The following PKNOX2 variants were observed in gnomAD, a reference collection of about 807,000 sequenced individuals.
PKNOX2 encodes the protein homeobox protein PKNOX2.
A neutral mutation model predicts 53.1 loss-of-function variants in PKNOX2; 14 were observed. The observed-to-expected ratio is 0.26, with a 90% CI of 0.17 to 0.41. PKNOX2 has a LOEUF of 0.41. Among genes scored for constraint, PKNOX2 ranks in the 10% least tolerant of loss-of-function variants. The pLI, the probability that PKNOX2 is intolerant of heterozygous loss-of-function variation, is 1.00. For synonymous variants in PKNOX2, 257 were observed against 242.8 expected, an observed-to-expected ratio of 1.06 and a Z score of -0.54; for missense variants, 496 against 602.8, an observed-to-expected ratio of 0.82 and a Z score of 1.85.
chr11:125,265,136 A>G (rs1279276546), intron 2 of PKNOX2, among the ~76,000 whole-genome samples: 2 of 151,908 alleles, frequency 1.3e-5, no homozygotes, highest in South Asian at 4.2e-4. Context: ...AAAATACAAA[A>G]ATTAGCCAGG....
chr11:125,291,597 C>A (rs1947307865), intron 2 of PKNOX2, among the ~76,000 whole-genome samples: 1 of 152,170 alleles, frequency 6.6e-6, no homozygotes, highest in Non-Finnish European at 1.5e-5. Context: ...GGGACACAAA[C>A]AGATATTTGT....
In PKNOX2 at chr11:125,178,599, A is replaced by G. The variant is rs543317134; in HGVS notation, c.-201+13823A>G. ...GAAGGAAGGAAGGAAGGAAGGAAGG[A>G]AGGAAGGAAGGAAAGAAAGAAAGAA... On this transcript the variant is annotated intron_variant, in intron 1 of 12. Coordinates refer to ENST00000298282, the MANE Select transcript of PKNOX2 (RefSeq NM_001382323.2). Among the ~76,000 whole-genome samples the G allele has an allele frequency of 1.9e-4, 10 of 52,744 alleles. No individual in the cohort carries two copies. The Middle Eastern group carries it at 0.021, about 111-fold the overall frequency. 34.6% of individuals were successfully genotyped at this position (52,744 alleles called of 152,430 possible). A position where few individuals can be genotyped will look rare whatever the true frequency, so the allele number is the denominator to read the frequency against.
chr11:125,429,892 C>T (rs1956613408), intron 11 of PKNOX2, 71 bp from the exon 12 acceptor site: 2 of 1,491,146 alleles, frequency 1.3e-6, no homozygotes, highest in Admixed American at 4.3e-5. Context: ...AAGGCAGCTT[C>T]ACCCTCCCTG....
chr11:125,324,709 A>G (rs1490125951), intron 2 of PKNOX2, among the ~76,000 whole-genome samples: 2 of 152,176 alleles, frequency 1.3e-5, no homozygotes, highest in African/African-American at 2.4e-5. Context: ...GTGGAGATGG[A>G]AAGGAAGAAA....
intron 5 of PKNOX2, among the ~76,000 whole-genome samples, chr11:125,381,059 C>T (rs1054964251): frequency 2.0e-5 from 3 of 152,122 alleles, no homozygotes; most frequent in South Asian, 2.1e-4. Context: ...AGAAATGGAG[C>T]GTGTCTCTCA....
intron 1 of PKNOX2, among the ~76,000 whole-genome samples, chr11:125,210,861 C>T (rs1329222660): frequency 6.6e-6 from 1 of 152,042 alleles, no homozygotes; most frequent in East Asian, 1.9e-4. Context: ...TGCACTGGGG[C>T]GTCCTGTTGT....
intron 2 of PKNOX2, among the ~76,000 whole-genome samples, chr11:125,307,588 A>C (rs1287846442): frequency 1.3e-5 from 2 of 152,200 alleles, no homozygotes; most frequent in Non-Finnish European, 2.9e-5. Context: ...ACAACAACAA[A>C]AAACAATAAA....
intron 3 of PKNOX2, among the ~76,000 whole-genome samples, chr11:125,339,392 G>A (rs1028611369): frequency 6.6e-6 from 1 of 152,304 alleles, no homozygotes; most frequent in Non-Finnish European, 1.5e-5. Context: ...GCTCCCTAAC[G>A]ATGGGGTGCC....
chr11:125,299,872 C>G (rs1293477225), intron 2 of PKNOX2, among the ~76,000 whole-genome samples: 1 of 152,190 alleles, frequency 6.6e-6, no homozygotes, highest in Non-Finnish European at 1.5e-5. Context: ...TGGAACAAAC[C>G]AAAAGCAGCC....
intron 2 of PKNOX2, among the ~76,000 whole-genome samples, chr11:125,246,733 T>C (rs1004137970): frequency 6.6e-6 from 1 of 152,202 alleles, no homozygotes; most frequent in Non-Finnish European, 1.5e-5. Context: ...TGACCCTAGA[T>C]GGGGACTCAA....
intron 2 of PKNOX2, among the ~76,000 whole-genome samples, chr11:125,248,577 A>G (rs1428253138): frequency 6.6e-6 from 1 of 151,098 alleles, no homozygotes; most frequent in Non-Finnish European, 1.5e-5. Context: ...TATGCAATGT[A>G]TATATTGTAA....
chr11:125,380,747 C>T (rs1383723762), intron 5 of PKNOX2, among the ~76,000 whole-genome samples: 1 of 152,216 alleles, frequency 6.6e-6, no homozygotes, highest in Non-Finnish European at 1.5e-5. Context: ...ATCCCTGGCT[C>T]ACACAGGGCC....
intron 2 of PKNOX2, among the ~76,000 whole-genome samples, chr11:125,273,802 T>C (rs1945979270): frequency 6.6e-6 from 1 of 152,124 alleles, no homozygotes; most frequent in Non-Finnish European, 1.5e-5. Context: ...TTTGTTTTGT[T>C]TTGTTTTGTG....
At chr11:125,393,319 G>A (rs868207733) in intron 6 of PKNOX2, among the ~76,000 whole-genome samples, 3 of 152,096 alleles carry the variant, frequency 2.0e-5, no homozygotes, top group Non-Finnish European at 2.9e-5. Flanking sequence ...GAAGTTCCTC[G>A]ATGTTCTTGG....
At chr11:125,319,015 T>G (rs1949367972) in intron 2 of PKNOX2, among the ~76,000 whole-genome samples, 1 of 152,212 alleles carries the variant, frequency 6.6e-6, no homozygotes, top group African/African-American at 2.4e-5. Context: ...GTTCATAAAT[T>G]ACCCAGTCTC....
At chr11:125,208,143 C>G (rs1939372989) in intron 1 of PKNOX2, among the ~76,000 whole-genome samples, 2 of 152,050 alleles carry the variant, frequency 1.3e-5, no homozygotes, top group Admixed American at 1.3e-4. Context: ...CACTTTTGAG[C>G]TGGGCTTGAA....
chr11:125,287,817 T>C (rs1947006556), intron 2 of PKNOX2: 2 of 152,308 alleles, frequency 1.3e-5, no homozygotes, highest in African/African-American at 4.8e-5. Flanking sequence ...GGCTTCTGCG[T>C]CTGCCTTCTT....
chr11:125,224,906 C>T (rs1049773388), intron 1 of PKNOX2, among the ~76,000 whole-genome samples: 1 of 152,208 alleles, frequency 6.6e-6, no homozygotes. Context: ...TGGGAAGTGC[C>T]GTGGTGCCCT....
At chr11:125,374,673 C>G (rs73628711) in intron 5 of PKNOX2, among the ~76,000 whole-genome samples, 5,591 of 152,192 alleles carry the variant, frequency 0.037, 316 homozygotes, top group African/African-American at 0.12. Context: ...CGGCTCACCT[C>G]CCTGACCTAG....
Sources: gnomAD v4.1 joint callset for allele counts (sites outside exome capture counted in the v4.1 genomes callset) on GRCh38, gnomAD v4.1.1 for gene constraint, MANE v1.5 for transcripts, NCBI Gene and HGNC (gene_info 2026-07-23, HGNC 2026-07-21) for gene names.